Variants in CCNT2 observed in about 807,000 individuals in gnomAD.
CCNT2 encodes the protein cyclin T2.
Under a neutral mutation model 70.0 loss-of-function variants are expected in CCNT2, and 18 were observed. That is an observed-to-expected ratio of 0.26 (90% CI 0.18 to 0.38). The LOEUF is 0.38. Among genes scored for constraint, CCNT2 ranks in the 10% least tolerant of loss-of-function variants. The probability of loss-of-function intolerance (pLI) is 1.00; values close to 1 mark genes in which losing one functional copy is unlikely to be tolerated. For synonymous variants in CCNT2, 334 were observed against 313.3 expected (o/e 1.07, Z -0.70); for missense variants, 734 against 890.2 (o/e 0.82, Z 2.23).
Position 134,936,878 on chromosome 2 carries a change from T to C in CCNT2, c.278T>C (p.Val93Ala). 1 of 1,613,692 alleles carries C rather than the reference T, an allele frequency of 6.2e-7. No homozygotes were observed. The highest frequency in any genetic ancestry group is 8.5e-7 in the Non-Finnish European group (1 of 1,179,652). Residue 93 changes from valine (V) to alanine (A), a missense_variant, in exon 3 of 9, where the codon GTG becomes GCG. By Grantham distance (64) the Val-to-Ala change is moderately conservative. Coordinates refer to ENST00000264157, the MANE Select transcript of CCNT2 (RefSeq NM_058241.3). Reference protein sequence around the residue: ...SSTALFLAAKVEEQARKLEHV... With the variant: ...SSTALFLAAKAEEQARKLEHV... The stretch of plus-strand genomic sequence containing the variant: ...ACTGCATTATTTTTGGCTGCAAAAG[T>C]GGAAGAACAGGCTCGAAAACTTGAA...
At chr2:134,939,160 A>G (rs1264020826) in intron 4 of CCNT2, 98 bp downstream of exon 4, 3 of 888,516 alleles carry the variant, frequency 3.4e-6, no homozygotes, top group African/African-American at 1.7e-5. Flanking sequence ...TATTGAAGAA[A>G]GTTATTTTAA....
At chr2:134,940,468 AAGTT>A (rs1378999158) in intron 4 of CCNT2, among the ~76,000 whole-genome samples, 3 of 152,176 alleles carry the variant, frequency 2.0e-5, no homozygotes, top group African/African-American at 7.2e-5. Context: ...AAATTTTAAA[AAGTT>A]AGGCACACAA....
chr2:134,939,608 G>A (rs1347473121), intron 4 of CCNT2, among the ~76,000 whole-genome samples: 1 of 152,054 alleles, frequency 6.6e-6, no homozygotes, highest in African/African-American at 2.4e-5. Flanking sequence ...TGGGACTACA[G>A]GTGCATACTG....
intron 2 of CCNT2, among the ~76,000 whole-genome samples, chr2:134,934,044 A>G (rs1170872385): frequency 1.3e-5 from 2 of 152,200 alleles, no homozygotes; most frequent in African/African-American, 4.8e-5. Context: ...CATGATTTGT[A>G]TGATATATTT....
chr2:134,954,489 C>A lies in CCNT2; in HGVS notation c.2034C>A (p.Tyr678Ter). 6.2e-7 allele frequency: 1 copy of A among 1,614,166 alleles called. No homozygotes were observed. Among genetic ancestry groups the A allele is most frequent in the Non-Finnish European group, 8.5e-7 (1 of 1,180,026 alleles). Residue 678 changes from tyrosine to a stop codon, truncating the protein, a stop_gained, in exon 9 of 9, where the codon TAC (tyrosine) becomes TAA (stop). Coordinates refer to ENST00000264157, the MANE Select transcript of CCNT2 (RefSeq NM_058241.3). LOFTEE classifies it high-confidence loss of function. ...CCCCTGTCACATACCAGGTGGGCTA[C>A]GGACATCTCAGCACCCTCGTGAAAC... The part of the protein sequence containing the change: ...PPPPVTYQVG[Y>*]GHLSTLVKLD...
chr2:134,936,776 A>T, intron 2 of CCNT2, 65 bp from the exon 3 acceptor site: 1 of 1,464,438 alleles, frequency 6.8e-7, no homozygotes, highest in Non-Finnish European at 9.3e-7. Flanking sequence ...AGAAAAGAAA[A>T]GAAAATAGAG....
At chr2:134,944,591 A>G (rs1027765243) in intron 5 of CCNT2, 1 of 977,884 alleles carries the variant, frequency 1.0e-6, no homozygotes, top group Non-Finnish European at 1.2e-6. Flanking sequence ...ATCCAAAACA[A>G]ATATTTAGAC....
intron 3 of CCNT2, among the ~76,000 whole-genome samples, chr2:134,937,628 A>G (rs1317684272): frequency 6.6e-6 from 1 of 152,180 alleles, no homozygotes; most frequent in East Asian, 1.9e-4. Flanking sequence ...CCCTTTAAAA[A>G]TTTTCGGCCA....
At chr2:134,925,575 A>G (rs564304775) in intron 2 of CCNT2, among the ~76,000 whole-genome samples, 20 of 151,998 alleles carry the variant, frequency 1.3e-4, no homozygotes, top group Non-Finnish European at 1.3e-4. Context: ...AGGCTCATCT[A>G]TGTTGTTGTA....
Position 134,940,386 on chromosome 2 carries a change from CTATATATAGA to C in CCNT2, c.430+1328_430+1337del, listed in dbSNP as rs753562174. ...ATTGGATATGTCATGAATGCATAAA[CTATATATAGA>C]TATTAGTCTATTTTATCATTTACTG... On this transcript the variant is annotated intron_variant, in intron 4 of 8. Coordinates refer to ENST00000264157, the MANE Select transcript of CCNT2 (RefSeq NM_058241.3). Among the ~76,000 whole-genome samples, 99 of 151,306 alleles carry C rather than the reference CTATATATAGA, an allele frequency of 6.5e-4. 1 individual carries two copies. The highest frequency in any genetic ancestry group is 2.0e-3 in the Admixed American group (30 of 15,136).
rs1229054146 is a variant in CCNT2, at chr2:134,953,538, A to G, written c.1083A>G (p.Glu361=). Residue 361 remains glutamate (E), a synonymous_variant, in exon 9 of 9, where the codon GAA becomes GAG. Transcript: ENST00000264157. ...AACATCAAGACTCAGCAAGGACAGAACAGCTATATTCACAGAAACAGGAGA... is the reference window on the plus strand; with the variant it reads ...AACATCAAGACTCAGCAAGGACAGAGCAGCTATATTCACAGAAACAGGAGA... ...WPQHQDSART[E]QLYSQKQETS... 2.5e-6 allele frequency: 4 copies of G among 1,614,236 alleles called. No individual in the cohort carries two copies. The highest frequency in any genetic ancestry group is 1.3e-5 in the African/African-American group (1 of 75,070).
intron 2 of CCNT2, among the ~76,000 whole-genome samples, chr2:134,930,277 A>G (rs1186277833): frequency 1.3e-5 from 2 of 152,228 alleles, no homozygotes; most frequent in African/African-American, 2.4e-5. Context: ...CATGTTTTCA[A>G]GGTCCGTTCA....
Position 134,942,655 on chromosome 2 carries a change from A to G in CCNT2, c.474A>G (p.Lys158=). 4 of 1,610,218 alleles carry G rather than the reference A, an allele frequency of 2.5e-6. No individual in the cohort carries two copies. The highest frequency in any genetic ancestry group is 3.4e-6 in the Non-Finnish European group (4 of 1,178,632). The change falls in exon 5 of 9, where the codon AAA becomes AAG. Residue 158 remains lysine, a synonymous_variant. Transcript: ENST00000264157. ...TIEHPHTDVV[K]CTQLVRASKD... ...AACACCCACACACAGATGTGGTGAA[A>G]TGTACCCAGTTAGTAAGAGGTAGGT...
In CCNT2 at chr2:134,957,216, T is replaced by G. The variant is rs1573879090; in HGVS notation, c.*2568T>G. 1 of 152,222 alleles carries G rather than the reference T, an allele frequency of 6.6e-6. No homozygotes were observed. The highest frequency in any genetic ancestry group is 2.1e-4 in the South Asian group (1 of 4,836). The allele number at this position is 152,222 out of a possible 1,614,324, so 9.4% of individuals were successfully genotyped here. On this transcript the variant is annotated 3_prime_UTR_variant, in exon 9 of 9. Coordinates refer to ENST00000264157, the MANE Select transcript of CCNT2 (RefSeq NM_058241.3). ...TCATCTGTCTGGTCCCATTAGGCTC[T>G]ACCAAAGAAAGACTCTGATGAGTGG...
chr2:134,953,064 C>T (rs1391364817), intron 8 of CCNT2, 166 bp from the exon 9 acceptor site: 1 of 543,570 alleles, frequency 1.8e-6, no homozygotes, highest in East Asian at 3.0e-5. Context: ...GCCTTTTATG[C>T]CTCTAAGGCA....
chr2:134,918,842 A>C lies in CCNT2; in HGVS notation c.-13A>C, dbSNP rs777242207. The stretch of plus-strand genomic sequence containing the variant: ...GGGGGGTGAATGAAGGAGCGGGCGG[A>C]GGAGGAAGTGTCATGGCGTCGGGCC... On this transcript the variant is annotated 5_prime_UTR_variant, in exon 1 of 9. Coordinates refer to ENST00000264157, the MANE Select transcript of CCNT2 (RefSeq NM_058241.3). 5.0e-6 allele frequency: 8 copies of C among 1,608,286 alleles called. No individual in the cohort carries two copies. In the South Asian group the frequency reaches 8.8e-5, roughly 18 times the overall value.
At position 134,954,892 on chromosome 2, in the gene CCNT2, A is replaced by G. The variant is rs1329663721; in HGVS notation, c.*244A>G. On this transcript the variant is annotated 3_prime_UTR_variant, in exon 9 of 9. Transcript: ENST00000264157. Reference sequence around the variant, plus strand: ...AGGTGCAAAACTCAGTATTTCTACAATTGCAGCTAAGAACATTAGGATGAA... The same window carrying G: ...AGGTGCAAAACTCAGTATTTCTACAGTTGCAGCTAAGAACATTAGGATGAA... 3 of 407,380 alleles carry G rather than the reference A, an allele frequency of 7.4e-6. No homozygotes were observed. Among genetic ancestry groups the G allele is most frequent in the South Asian group, 5.4e-5 (1 of 18,372 alleles). 25.2% of individuals were successfully genotyped at this position (407,380 alleles called of 1,614,324 possible). A position where few individuals can be genotyped will look rare whatever the true frequency, so the allele number is the denominator to read the frequency against.
Position 134,918,897 on chromosome 2 carries a change from C to G in CCNT2, c.43C>G (p.Arg15Gly), listed in dbSNP as rs752702499. 6.2e-7 allele frequency: 1 copy of G among 1,613,940 alleles called. No individual in the cohort carries two copies. Among genetic ancestry groups the G allele is most frequent in the East Asian group, 2.2e-5 (1 of 44,854 alleles). Residue 15 changes from arginine (R) to glycine (G), a missense_variant, in exon 1 of 9, where the codon CGG (arginine) becomes GGG (glycine). By Grantham distance (125) the Arg-to-Gly change is moderately radical (BLOSUM62 -2). Transcript: ENST00000264157. ...AGCTTCTTCTCGCTGGTTCTTTACTCGGGAACAGCTGGAGAACACGCCGAG... is the reference window on the plus strand; with the variant it reads ...AGCTTCTTCTCGCTGGTTCTTTACTGGGGAACAGCTGGAGAACACGCCGAG... ...RGASSRWFFT[R>G]EQLENTPSRR...
chr2:134,954,361 A>C lies in CCNT2; in HGVS notation c.1906A>C (p.Lys636Gln), dbSNP rs1305018452. The change falls in exon 9 of 9, where the codon AAA becomes CAA. Residue 636 changes from lysine (K) to glutamine (Q), a missense_variant. By Grantham distance (53) the Lys-to-Gln change is moderately conservative. This residue lies in a region of CCNT2 where 532 missense variants were observed against 556.9 expected (regional missense o/e 0.96). Transcript: ENST00000264157. ...ASHNHHSKMS[K>Q]SSKSSGSSSS... ...TCACAACCACCACTCCAAAATGAGC[A>C]AAAGTTCCAAAAGTTCAGGTAGTTC... 1 of 1,614,072 alleles carries C rather than the reference A, an allele frequency of 6.2e-7. No individual in the cohort carries two copies. The highest frequency in any genetic ancestry group is 1.1e-5 in the South Asian group (1 of 91,094).
Sources: gnomAD v4.1 joint callset for allele counts (sites outside exome capture counted in the v4.1 genomes callset) on GRCh38, gnomAD v4.1.1 for gene constraint, gnomAD v4.1.1 regional missense constraint, MANE v1.5 for transcripts, NCBI Gene and HGNC (gene_info 2026-07-23, HGNC 2026-07-21) for gene names.